The following ENTREP1 variants were observed in gnomAD, a reference collection of about 807,000 sequenced individuals.
The protein encoded by ENTREP1 is endosomal transmembrane epsin interactor 1, also known as Friedreich ataxia region gene X123.
the ENTREP1 span, among the ~76,000 whole-genome samples, chr9:69,368,598 T>G: frequency 6.6e-6 from 1 of 152,108 alleles, no homozygotes; most frequent in East Asian, 1.9e-4. Context: ...TCAGGGAGAT[T>G]GGATATTTTC....
the ENTREP1 span, among the ~76,000 whole-genome samples, chr9:69,342,360 C>A: frequency 2.6e-5 from 4 of 152,198 alleles, no homozygotes; most frequent in Non-Finnish European, 4.4e-5. Flanking sequence ...ATTGCTTCTT[C>A]CATTGTAACA....
chr9:69,353,804 TC>T, the ENTREP1 span, among the ~76,000 whole-genome samples: 1 of 152,350 alleles, frequency 6.6e-6, no homozygotes, highest in African/African-American at 2.4e-5. Context: ...CTCTTCTTCT[TC>T]CTTTTTGTAG....
At chr9:69,338,897 A>C in the ENTREP1 span, among the ~76,000 whole-genome samples, 1 of 152,226 alleles carries the variant, frequency 6.6e-6, no homozygotes, top group African/African-American at 2.4e-5. Flanking sequence ...TTGAAATGTT[A>C]ATTAGCATCA....
the ENTREP1 span, among the ~76,000 whole-genome samples, chr9:69,388,642 C>T: frequency 6.6e-6 from 1 of 152,140 alleles, no homozygotes; most frequent in African/African-American, 2.4e-5. Flanking sequence ...AACTTTCCCA[C>T]ATCATTCTTG....
At chr9:69,331,417 G>T in the ENTREP1 span, among the ~76,000 whole-genome samples, 1 of 152,150 alleles carries the variant, frequency 6.6e-6, no homozygotes, top group Non-Finnish European at 1.5e-5. Context: ...CTTCCCTGGG[G>T]TATCTCAGAG....
chr9:69,341,673 CT>C, the ENTREP1 span, among the ~76,000 whole-genome samples: 1 of 151,896 alleles, frequency 6.6e-6, no homozygotes, highest in Non-Finnish European at 1.5e-5. Flanking sequence ...AGATTGTGGT[CT>C]TTTTTTTCCT....
the ENTREP1 span, among the ~76,000 whole-genome samples, chr9:69,338,390 T>C: frequency 3.9e-5 from 6 of 152,214 alleles, no homozygotes; most frequent in African/African-American, 1.2e-4. Flanking sequence ...AGTATTTAAA[T>C]TGAATTAAAA....
At chr9:69,364,290 A>G in the ENTREP1 span, among the ~76,000 whole-genome samples, 1 of 152,184 alleles carries the variant, frequency 6.6e-6, no homozygotes, top group Non-Finnish European at 1.5e-5. Flanking sequence ...TTGGCCTAAG[A>G]TATCACAGCA....
At chr9:69,383,564 G>T in the ENTREP1 span, 1 of 1,599,654 alleles carries the variant, frequency 6.3e-7, no homozygotes, top group Non-Finnish European at 8.5e-7. Flanking sequence ...CCAGTATCCG[G>T]GCATCACTGC....
At chr9:69,368,391 G>T in the ENTREP1 span, among the ~76,000 whole-genome samples, 1 of 151,960 alleles carries the variant, frequency 6.6e-6, no homozygotes, top group Non-Finnish European at 1.5e-5. Flanking sequence ...TCTGTTGAAG[G>T]GATGTTAAAT....
At chr9:69,389,598 C>T in the ENTREP1 span, among the ~76,000 whole-genome samples, 2 of 152,190 alleles carry the variant, frequency 1.3e-5, no homozygotes, top group Non-Finnish European at 2.9e-5. Context: ...ATTTTACATC[C>T]TGGTGTCCCT....
the ENTREP1 span, chr9:69,388,476 T>C: frequency 6.6e-7 from 1 of 1,524,798 alleles, no homozygotes; most frequent in Non-Finnish European, 8.8e-7. Context: ...ATCTCAGGCA[T>C]GAATCAGATG....
chr9:69,355,355 C>T, the ENTREP1 span, among the ~76,000 whole-genome samples: 4 of 152,168 alleles, frequency 2.6e-5, no homozygotes, highest in Non-Finnish European at 5.9e-5. Flanking sequence ...AATGGACTCT[C>T]AAGCTTTATT....
At chr9:69,335,578 G>A in the ENTREP1 span, among the ~76,000 whole-genome samples, 2 of 152,174 alleles carry the variant, frequency 1.3e-5, no homozygotes, top group Non-Finnish European at 2.9e-5. Flanking sequence ...TTGAGAGCAG[G>A]TAAGAGAAGA....
the ENTREP1 span, among the ~76,000 whole-genome samples, chr9:69,390,990 C>T: frequency 2.7e-5 from 4 of 147,768 alleles, no homozygotes; most frequent in South Asian, 2.1e-4. Flanking sequence ...CACTATGTTA[C>T]TCAGGCTGGT....
chr9:69,384,133 G>A, the ENTREP1 span: 2 of 749,342 alleles, frequency 2.7e-6, no homozygotes, highest in Non-Finnish European at 4.5e-6. Flanking sequence ...CGAGGTGGGA[G>A]GATCACATGA....
the ENTREP1 span, among the ~76,000 whole-genome samples, chr9:69,373,022 A>T: frequency 1.4e-5 from 1 of 69,186 alleles, no homozygotes; most frequent in African/African-American, 6.3e-5. Context: ...ACATTTTAAA[A>T]TTGAGTTATT....
chr9:69,391,053 G>A, the ENTREP1 span, among the ~76,000 whole-genome samples: 1 of 151,684 alleles, frequency 6.6e-6, no homozygotes, highest in Admixed American at 6.6e-5. Flanking sequence ...CAAAGTGCTG[G>A]GATTACAAGT....
chr9:69,381,533 G>T, the ENTREP1 span: 1 of 152,144 alleles, frequency 6.6e-6, no homozygotes, highest in Non-Finnish European at 1.5e-5. Flanking sequence ...AATGAGAGCA[G>T]AATTTCTAAA....
Sources: allele counts gnomAD v4.1 joint callset (sites outside exome capture counted in the v4.1 genomes callset), GRCh38; gene constraint gnomAD v4.1.1; transcripts MANE v1.5; gene names NCBI Gene and HGNC (gene_info 2026-07-23, HGNC 2026-07-21).